PLCB1: variants seen among roughly 807,000 people sequenced by gnomAD.
The protein encoded by PLCB1 is phospholipase C beta 1.
Under a neutral mutation model 161.8 loss-of-function variants are expected in PLCB1, and 46 were observed. The observed-to-expected ratio is 0.28, with a 90% CI of 0.22 to 0.36. The LOEUF is 0.36. Among genes scored for constraint, PLCB1 ranks in the 10% least tolerant of loss-of-function variants. The pLI, the probability that PLCB1 is intolerant of heterozygous loss-of-function variation, is 1.00. For synonymous variants in PLCB1, 517 were observed against 503.7 expected, an observed-to-expected ratio of 1.03 and a Z score of -0.35; for missense variants, 1,016 against 1,472.5, an observed-to-expected ratio of 0.69 and a Z score of 5.07.
rs553895091 is a variant in PLCB1, at chr20:8,260,747, G to A, written c.177+110376G>A. On this transcript the variant is annotated intron_variant, in intron 2 of 31. Coordinates refer to ENST00000338037, the MANE Select transcript of PLCB1 (RefSeq NM_015192.4). ...TCCTAAAGAAAGAGCTCTTGTGGGA[G>A]CGTGGTTAGCAGTGTTGTTCATGTC... Among the ~76,000 whole-genome samples the A allele has an allele frequency of 4.6e-5, 7 of 152,256 alleles. No individual in the cohort carries two copies. The East Asian group carries it at 1.4e-3, about 29-fold the overall frequency.
At chr20:8,250,997 A>G (rs149365442) in intron 2 of PLCB1, among the ~76,000 whole-genome samples, 1 of 152,122 alleles carries the variant, frequency 6.6e-6, no homozygotes, top group East Asian at 1.9e-4. Flanking sequence ...TGGTTAATTT[A>G]TAAACATTAG....
intron 2 of PLCB1, among the ~76,000 whole-genome samples, chr20:8,161,036 CGTT>C (rs1384394664): frequency 6.6e-6 from 1 of 151,916 alleles, no homozygotes; most frequent in East Asian, 1.9e-4. Context: ...ACCTTTTTAT[CGTT>C]GTTATCATTA....
chr20:8,653,227 A>C (rs761518931), intron 7 of PLCB1: 2 of 152,100 alleles, frequency 1.3e-5, no homozygotes, highest in African/African-American at 2.4e-5. Context: ...ACAAAGAGAA[A>C]TTAATTATTT....
chr20:8,713,292 G>A (rs1445964479), intron 12 of PLCB1, among the ~76,000 whole-genome samples: 2 of 152,066 alleles, frequency 1.3e-5, no homozygotes, highest in Admixed American at 6.6e-5. Context: ...AGATTCAAGC[G>A]ATTCTCCTGC....
At chr20:8,622,720 G>T (rs1988218766) in intron 3 of PLCB1, among the ~76,000 whole-genome samples, 1 of 151,462 alleles carries the variant, frequency 6.6e-6, no homozygotes, top group Non-Finnish European at 1.5e-5. Flanking sequence ...TCCTCACTGT[G>T]CTTTCTGCAA....
chr20:8,272,470 C>G (rs1197790023), intron 2 of PLCB1, among the ~76,000 whole-genome samples: 1 of 152,018 alleles, frequency 6.6e-6, no homozygotes, highest in African/African-American at 2.4e-5. Flanking sequence ...TCATTCGAAC[C>G]ACCACCTTTA....
chr20:8,794,963 G>A (rs1983945114), intron 31 of PLCB1, among the ~76,000 whole-genome samples: 1 of 152,190 alleles, frequency 6.6e-6, no homozygotes, highest in Non-Finnish European at 1.5e-5. Context: ...GACTTTGCTA[G>A]CAGTTTACTC....
chr20:8,627,501 T>C (rs1429793343), intron 3 of PLCB1, among the ~76,000 whole-genome samples: 1 of 152,182 alleles, frequency 6.6e-6, no homozygotes, highest in Admixed American at 6.5e-5. Flanking sequence ...TGCTAAGTGA[T>C]TGATTTGATG....
chr20:8,297,763 G>A (rs1005450307), intron 2 of PLCB1, among the ~76,000 whole-genome samples: 9 of 152,034 alleles, frequency 5.9e-5, no homozygotes. Context: ...TGGCCATTTG[G>A]TCAGTCAAGA....
intron 2 of PLCB1, among the ~76,000 whole-genome samples, chr20:8,342,252 T>C (rs1321866178): frequency 6.6e-6 from 1 of 152,244 alleles, no homozygotes; most frequent in Non-Finnish European, 1.5e-5. Context: ...TTGTGGGTCT[T>C]GTGTAAGTCT....
intron 2 of PLCB1, among the ~76,000 whole-genome samples, chr20:8,160,482 G>T (rs2123049614): frequency 6.6e-6 from 1 of 152,290 alleles, no homozygotes; most frequent in South Asian, 2.1e-4. Context: ...GTTCCACGTG[G>T]CTGGGGAGGC....
intron 24 of PLCB1, among the ~76,000 whole-genome samples, chr20:8,760,137 T>A (rs1360184932): frequency 6.6e-6 from 1 of 152,072 alleles, no homozygotes; most frequent in African/African-American, 2.4e-5. Context: ...ACTCCTGACC[T>A]CAAGTGATCC....
intron 3 of PLCB1, among the ~76,000 whole-genome samples, chr20:8,616,850 C>T (rs1988052347): frequency 6.6e-6 from 1 of 152,166 alleles, no homozygotes; most frequent in Non-Finnish European, 1.5e-5. Context: ...TTGGACTGTA[C>T]TGTATGTACT....
chr20:8,400,299 G>T (rs765719464), intron 3 of PLCB1, among the ~76,000 whole-genome samples: 5 of 152,140 alleles, frequency 3.3e-5, no homozygotes, highest in Admixed American at 2.0e-4. Flanking sequence ...GTCTGAGCCT[G>T]TGTATTCTAT....
Position 8,450,041 on chromosome 20 carries a change from T to C in PLCB1, c.246+78591T>C, listed in dbSNP as rs572562223. Among the ~76,000 whole-genome samples, 3 of 152,336 alleles carry C rather than the reference T, an allele frequency of 2.0e-5. No individual in the cohort carries two copies. The South Asian group carries it at 6.2e-4, about 32-fold the overall frequency. On this transcript the variant is annotated intron_variant, in intron 3 of 31. Coordinates refer to ENST00000338037, the MANE Select transcript of PLCB1 (RefSeq NM_015192.4). ...AAATTTGTTCTTTGGAATTCAATTA[T>C]TCAATAAAATAAGAGAAATCTCTAC...
At chr20:8,302,286 T>C (rs889805934) in intron 2 of PLCB1, among the ~76,000 whole-genome samples, 1 of 152,212 alleles carries the variant, frequency 6.6e-6, no homozygotes, top group African/African-American at 2.4e-5. Context: ...GTAATGAAGG[T>C]TCTTAAACTA....
At chr20:8,602,331 T>G (rs1987614294) in intron 3 of PLCB1, among the ~76,000 whole-genome samples, 1 of 152,162 alleles carries the variant, frequency 6.6e-6, no homozygotes, top group East Asian at 1.9e-4. Context: ...AAATGGTATT[T>G]AAAGAGGTGT....
intron 2 of PLCB1, among the ~76,000 whole-genome samples, chr20:8,297,510 A>T (rs1356337477): frequency 6.6e-6 from 1 of 152,208 alleles, no homozygotes; most frequent in East Asian, 1.9e-4. Flanking sequence ...CTCTTTGTTT[A>T]TTGATAAAAA....
intron 3 of PLCB1, among the ~76,000 whole-genome samples, chr20:8,547,713 C>A (rs550663484): frequency 6.6e-6 from 1 of 152,290 alleles, no homozygotes; most frequent in Non-Finnish European, 1.5e-5. Context: ...TCATGCTCCT[C>A]TCCAGTGTTT....
Sources: allele counts gnomAD v4.1 joint callset (sites outside exome capture counted in the v4.1 genomes callset), GRCh38; gene constraint gnomAD v4.1.1; transcripts MANE v1.5; gene names NCBI Gene and HGNC (gene_info 2026-07-23, HGNC 2026-07-21).